ADK: variants seen among roughly 807,000 people sequenced by gnomAD.
The protein encoded by ADK is adenosine kinase, also known as N6,N6-dimethyladenosine kinase.
ADK carries 24 observed loss-of-function variants against 44.7 expected under a neutral mutation model. The observed-to-expected ratio is 0.54, with a 90% CI of 0.39 to 0.76. ADK has a LOEUF of 0.76. Among genes scored for constraint, ADK ranks in the 30% least tolerant of loss-of-function variants. The pLI is 0.00. For missense variants in ADK, 321 were observed against 425.1 expected, an observed-to-expected ratio of 0.76 and a Z score of 2.15; for synonymous variants, 128 against 142.6, an observed-to-expected ratio of 0.90 and a Z score of 0.73.
intron 9 of ADK, among the ~76,000 whole-genome samples, chr10:74,668,948 A>C (rs10740442): frequency 0.8 from 120,941 of 150,252 alleles, 49,004 homozygotes; most frequent in African/African-American, 0.89. Flanking sequence ...CACAGGAGGC[A>C]GAGAGAATCC....
intron 6 of ADK, among the ~76,000 whole-genome samples, chr10:74,429,882 C>T (rs1488281054): frequency 6.6e-6 from 1 of 152,160 alleles, no homozygotes; most frequent in Non-Finnish European, 1.5e-5. Flanking sequence ...TTAAAATAGA[C>T]AATATAGTAG....
chr10:74,655,301 G>T (rs984325818), intron 9 of ADK: 4 of 463,956 alleles, frequency 8.6e-6, no homozygotes, highest in Non-Finnish European at 1.2e-5. Flanking sequence ...CAGCTGAAAT[G>T]ATGAAGAAAA....
chr10:74,706,226 G>A (rs1209456528), intron 10 of ADK, among the ~76,000 whole-genome samples: 1 of 152,164 alleles, frequency 6.6e-6, no homozygotes, highest in Non-Finnish European at 1.5e-5. Context: ...AGGCTGCAGT[G>A]AGCCATGAGT....
chr10:74,169,239 A>C (rs1459405202), intron 1 of ADK, among the ~76,000 whole-genome samples: 1 of 152,064 alleles, frequency 6.6e-6, no homozygotes, highest in Non-Finnish European at 1.5e-5. Flanking sequence ...AAAAGAAAAT[A>C]TATTTCATAA....
intron 6 of ADK, among the ~76,000 whole-genome samples, chr10:74,451,139 A>G (rs1194593364): frequency 2.0e-5 from 3 of 149,168 alleles, no homozygotes; most frequent in Non-Finnish European, 3.0e-5. Context: ...AAATAAAACA[A>G]TAGTTTTTAT....
At chr10:74,525,717 T>C (rs1008856079) in intron 7 of ADK, among the ~76,000 whole-genome samples, 33 of 152,188 alleles carry the variant, frequency 2.2e-4, no homozygotes, top group Admixed American at 2.0e-3. Context: ...TATAATGGCA[T>C]GATCTTGGCT....
intron 4 of ADK, among the ~76,000 whole-genome samples, chr10:74,379,919 G>T (rs1842927118): frequency 6.6e-6 from 1 of 152,090 alleles, no homozygotes. Flanking sequence ...AGCTACACAG[G>T]AGGCTGAGGC....
chr10:74,260,675 T>C (rs542083786), intron 3 of ADK, among the ~76,000 whole-genome samples: 1 of 152,342 alleles, frequency 6.6e-6, no homozygotes, highest in South Asian at 2.1e-4. Context: ...GTTCCTAAAT[T>C]GGTTATTTTT....
At chr10:74,183,584 C>T (rs1842638385) in intron 1 of ADK, among the ~76,000 whole-genome samples, 1 of 151,698 alleles carries the variant, frequency 6.6e-6, no homozygotes. Context: ...CATCTTGGCT[C>T]ACCGCAACCT....
intron 3 of ADK, among the ~76,000 whole-genome samples, chr10:74,294,479 G>A (rs992568847): frequency 1.3e-5 from 2 of 152,112 alleles, no homozygotes; most frequent in Non-Finnish European, 1.5e-5. Flanking sequence ...TAGAAATGGG[G>A]TTTCACCGTG....
intron 4 of ADK, among the ~76,000 whole-genome samples, chr10:74,353,673 C>T (rs950853214): frequency 6.6e-6 from 1 of 151,352 alleles, no homozygotes; most frequent in Non-Finnish European, 1.5e-5. Context: ...TCGAGACCAT[C>T]CTGGCTAAAA....
At chr10:74,464,350 C>T (rs896871956) in intron 6 of ADK, among the ~76,000 whole-genome samples, 2 of 151,786 alleles carry the variant, frequency 1.3e-5, no homozygotes, top group Admixed American at 1.3e-4. Flanking sequence ...AGTTCAAGAC[C>T]AGCCTGGGCA....
intron 7 of ADK, among the ~76,000 whole-genome samples, chr10:74,585,181 A>G (rs1333088478): frequency 1.3e-5 from 2 of 152,132 alleles, no homozygotes; most frequent in African/African-American, 2.4e-5. Context: ...TTCAAAAACT[A>G]TATTTGGTTG....
chr10:74,695,604 CCTGTGTATGTGTGGGGTGTGTGT>C (rs1350681073), intron 10 of ADK, among the ~76,000 whole-genome samples: 7 of 59,612 alleles, frequency 1.2e-4, no homozygotes, highest in African/African-American at 4.1e-4. Flanking sequence ...TTTTACAATT[CCTGTGTATGTGTGGGGTGTGTGT>C]GTGTGTGTGT....
chr10:74,592,166 T>C (rs1042754432), intron 8 of ADK, among the ~76,000 whole-genome samples: 2 of 152,084 alleles, frequency 1.3e-5, no homozygotes, highest in Non-Finnish European at 2.9e-5. Context: ...TTTTTATATA[T>C]ATAGGTGATG....
At chr10:74,422,725 G>C (rs1413743234) in intron 6 of ADK, among the ~76,000 whole-genome samples, 1 of 152,158 alleles carries the variant, frequency 6.6e-6, no homozygotes, top group Non-Finnish European at 1.5e-5. Context: ...ATAAAATAGA[G>C]AAAAAGTCAG....
At chr10:74,273,771 C>T (rs1017836919) in intron 3 of ADK, among the ~76,000 whole-genome samples, 1 of 152,126 alleles carries the variant, frequency 6.6e-6, no homozygotes, top group Non-Finnish European at 1.5e-5. Context: ...CCCCGAATTT[C>T]TTTCACAGGG....
intron 4 of ADK, among the ~76,000 whole-genome samples, chr10:74,356,348 A>G (rs1213546144): frequency 6.6e-6 from 1 of 152,136 alleles, no homozygotes; most frequent in Non-Finnish European, 1.5e-5. Context: ...CCTCAACCAT[A>G]TCTTGATATT....
At chr10:74,492,151 T>A (rs1421721868) in intron 6 of ADK, among the ~76,000 whole-genome samples, 1 of 152,196 alleles carries the variant, frequency 6.6e-6, no homozygotes, top group Non-Finnish European at 1.5e-5. Context: ...CACGTTTTGT[T>A]ACATAACCAC....
Sources: gnomAD v4.1 joint callset for allele counts (sites outside exome capture counted in the v4.1 genomes callset) on GRCh38, gnomAD v4.1.1 for gene constraint, MANE v1.5 for transcripts, NCBI Gene and HGNC (gene_info 2026-07-23, HGNC 2026-07-21) for gene names.